Variants in NUAK1 observed in about 807,000 individuals in gnomAD.
NUAK1 encodes the protein NUAK family SNF1-like kinase 1.
Under a neutral mutation model 56.9 loss-of-function variants are expected in NUAK1, and 26 were observed. The observed-to-expected ratio is 0.46, with a 90% CI of 0.33 to 0.63. The LOEUF is 0.63. Ranked by LOEUF, NUAK1 falls within the 30% of genes least tolerant of loss-of-function variation. NUAK1 has a pLI of 0.02. For synonymous variants in NUAK1, 337 were observed against 336.0 expected, an observed-to-expected ratio of 1.00 and a Z score of -0.03; for missense variants, 727 against 876.1, an observed-to-expected ratio of 0.83 and a Z score of 2.15.
At chr12:106,136,578 G>C (rs1260052478) in intron 1 of NUAK1, among the ~76,000 whole-genome samples, 2 of 152,154 alleles carry the variant, frequency 1.3e-5, no homozygotes, top group African/African-American at 4.8e-5. Flanking sequence ...GGGTTCGTTC[G>C]TTAGAAAGGT....
chr12:106,091,175 C>T (rs1279582465), intron 2 of NUAK1, among the ~76,000 whole-genome samples: 1 of 152,200 alleles, frequency 6.6e-6, no homozygotes, highest in Non-Finnish European at 1.5e-5. Flanking sequence ...TAAGCAAAAG[C>T]TTATTTTCCA....
chr12:106,096,075 G>A (rs1418215666), intron 2 of NUAK1, among the ~76,000 whole-genome samples: 1 of 152,140 alleles, frequency 6.6e-6, no homozygotes, highest in Non-Finnish European at 1.5e-5. Flanking sequence ...CTTCCCAAAT[G>A]CATGCTGGTG....
chr12:106,073,571 C>T (rs757750383), intron 4 of NUAK1, among the ~76,000 whole-genome samples: 4 of 152,036 alleles, frequency 2.6e-5, no homozygotes, highest in African/African-American at 7.2e-5. Flanking sequence ...AGAAATCAAT[C>T]GAGATGAGAC....
At chr12:106,095,027 C>T (rs541492980) in intron 2 of NUAK1, among the ~76,000 whole-genome samples, 7 of 152,214 alleles carry the variant, frequency 4.6e-5, no homozygotes, top group African/African-American at 1.2e-4. Context: ...AAGGTGGAAA[C>T]GGGCGCTATC....
intron 2 of NUAK1, among the ~76,000 whole-genome samples, chr12:106,104,957 C>A (rs991935428): frequency 1.3e-4 from 18 of 141,424 alleles, no homozygotes; most frequent in African/African-American, 3.3e-4. Flanking sequence ...GTTCATTTTT[C>A]TTTTTTTTTT....
chr12:106,082,200 G>C (rs957403662), intron 4 of NUAK1, among the ~76,000 whole-genome samples: 1 of 152,162 alleles, frequency 6.6e-6, no homozygotes, highest in Non-Finnish European at 1.5e-5. Context: ...AAACAAAAAT[G>C]AACAAATAAA....
In NUAK1 at chr12:106,086,815, G is replaced by A; in HGVS notation, c.432C>T (p.Ile144=). The A allele has an allele frequency of 1.2e-6, 2 of 1,614,166 alleles. No homozygotes were observed. Among genetic ancestry groups the A allele is most frequent in the South Asian group, 1.1e-5 (1 of 91,074 alleles). ...TCTCACTGAGGCGTCGCCGCTCACT[G>A]ATGTAATCGTACAGCTCCCCTTTGC... ...YASKGELYDY[I]SERRRLSERE... Residue 144 remains isoleucine, a synonymous_variant, in exon 3 of 7, where the codon ATC becomes ATT. Transcript: ENST00000261402.
chr12:106,088,052 T>C (rs2032592906), intron 2 of NUAK1, among the ~76,000 whole-genome samples: 1 of 152,200 alleles, frequency 6.6e-6, no homozygotes, highest in African/African-American at 2.4e-5. Flanking sequence ...TGATGCTCTC[T>C]AGCCGTTATG....
intron 1 of NUAK1, among the ~76,000 whole-genome samples, chr12:106,115,693 T>C (rs563090553): frequency 9.8e-5 from 15 of 152,378 alleles, no homozygotes; most frequent in Admixed American, 7.8e-4. Context: ...CTCTTGCTCA[T>C]TGCAAATGCA....
At chr12:106,088,872 G>A (rs2032603032) in intron 2 of NUAK1, among the ~76,000 whole-genome samples, 1 of 152,218 alleles carries the variant, frequency 6.6e-6, no homozygotes, top group East Asian at 1.9e-4. Context: ...GCTGCTAGAA[G>A]CTCAGACCCC....
At chr12:106,075,286 A>AACACACACACACACACACACACACACAC (rs370123170) in intron 4 of NUAK1, among the ~76,000 whole-genome samples, 1 of 133,928 alleles carries the variant, frequency 7.5e-6, no homozygotes, top group African/African-American at 2.9e-5. Context: ...AGTATTAATC[A>AACACACACACACACACACACACACACAC]ACACACACAC....
At chr12:106,070,650 G>C in intron 6 of NUAK1, 124 bp downstream of exon 6, 1 of 1,292,192 alleles carries the variant, frequency 7.7e-7, no homozygotes, top group South Asian at 1.4e-5. Flanking sequence ...ACACTTCTGG[G>C]AAGAAGAAAG....
chr12:106,114,734 T>G (rs1050574072), intron 1 of NUAK1, among the ~76,000 whole-genome samples: 15 of 152,132 alleles, frequency 9.9e-5, no homozygotes, highest in African/African-American at 3.6e-4. Context: ...TCCTTCCTAA[T>G]CAAATACTAA....
chr12:106,134,440 G>T, intron 1 of NUAK1, among the ~76,000 whole-genome samples: 1 of 152,232 alleles, frequency 6.6e-6, no homozygotes, highest in East Asian at 1.9e-4. Flanking sequence ...CCAAGCTAAT[G>T]CTCTAGTGGC....
At chr12:106,115,587 T>C (rs2032908323) in intron 1 of NUAK1, among the ~76,000 whole-genome samples, 1 of 152,182 alleles carries the variant, frequency 6.6e-6, no homozygotes, top group Non-Finnish European at 1.5e-5. Context: ...TTCCTAGAGT[T>C]AAAAGGCTGG....
chr12:106,105,011 T>A (rs1468320878), intron 2 of NUAK1, among the ~76,000 whole-genome samples: 1 of 151,878 alleles, frequency 6.6e-6, no homozygotes, highest in Non-Finnish European at 1.5e-5. Flanking sequence ...TGGAATGCAG[T>A]GGCACGATCT....
At position 106,138,750 on chromosome 12, in the gene NUAK1, G is replaced by T; in HGVS notation, c.-97C>A. On this transcript the variant is annotated 5_prime_UTR_variant, in exon 1 of 7. Coordinates refer to ENST00000261402, the MANE Select transcript of NUAK1 (RefSeq NM_014840.3). This position sits in a 1 kb window ranked among gnomAD's most constrained non-coding sequence, Gnocchi z 5.0. ...CGAGGGAAGCCGCTGTACGCTCAAG[G>T]TCGCCCCCGCAGCATCAGGGAGGCG... The T allele has an allele frequency of 7.1e-7, 1 of 1,408,510 alleles. No individual in the cohort carries two copies. The highest frequency in any genetic ancestry group is 9.2e-7 in the Non-Finnish European group (1 of 1,084,872). The allele number at this position is 1,408,510 out of a possible 1,614,324, so 87.3% of individuals were successfully genotyped here. A position where few individuals can be genotyped will look rare whatever the true frequency, so the allele number is the denominator to read the frequency against.
chr12:106,072,988 C>A, intron 4 of NUAK1, 145 bp from the exon 5 acceptor site: 1 of 837,988 alleles, frequency 1.2e-6, no homozygotes, highest in Non-Finnish European at 1.9e-6. Flanking sequence ...CTCTCCAGCC[C>A]TGAGTCTTCA....
intron 1 of NUAK1, among the ~76,000 whole-genome samples, chr12:106,128,124 T>C (rs1314404691): frequency 7.0e-6 from 1 of 142,998 alleles, no homozygotes; most frequent in Non-Finnish European, 1.5e-5. Context: ...AAATTCTCTC[T>C]TTTCTTTTTC....
Sources: allele counts gnomAD v4.1 joint callset (sites outside exome capture counted in the v4.1 genomes callset), GRCh38; gene constraint gnomAD v4.1.1; non-coding constraint Gnocchi (gnomAD v3.1); transcripts MANE v1.5; gene names NCBI Gene and HGNC (gene_info 2026-07-23, HGNC 2026-07-21).